Variants in SPATA33 observed in about 807,000 individuals in gnomAD.
The protein encoded by SPATA33 is spermatogenesis-associated protein 33.
A neutral mutation model predicts 8.9 loss-of-function variants in SPATA33; 10 were observed. The observed-to-expected ratio is 1.12, with a 90% CI of 0.69 to 1.90. SPATA33 has a LOEUF of 1.90. SPATA33 is among the 40% of genes most tolerant of loss of function. The pLI, the probability that SPATA33 is intolerant of heterozygous loss-of-function variation, is 0.00. For synonymous variants in SPATA33, 96 were observed against 72.8 expected (o/e 1.32, Z -1.63); for missense variants, 241 against 178.3 (o/e 1.35, Z -2.00).
chr16:89,660,218 C>T, intron 2 of SPATA33: 1 of 278,308 alleles, frequency 3.6e-6, no homozygotes, highest in Non-Finnish European at 6.7e-6. Context: ...GGCAGGACTG[C>T]ATCTACTGCA....
rs1043521505 is a variant in SPATA33, at chr16:89,670,106, C to G, written c.*609C>G. The G allele has an allele frequency of 6.6e-6, 1 of 152,420 alleles. No homozygotes were observed. The highest frequency in any genetic ancestry group is 2.5e-5 in the African/African-American group (1 of 39,820). The allele number at this position is 152,420 out of a possible 1,614,324, so 9.4% of individuals were successfully genotyped here. On this transcript the variant is annotated 3_prime_UTR_variant, in exon 3 of 3. Transcript: ENST00000579310. ...CTCCAGTGCTTTCGGGGAGGGTACACCAGGCCCGCCCCACCCTGTGAGAAG... is the reference window on the plus strand; with the variant it reads ...CTCCAGTGCTTTCGGGGAGGGTACAGCAGGCCCGCCCCACCCTGTGAGAAG...
In SPATA33 at chr16:89,657,847, C is replaced by A. The variant is rs1161639670; in HGVS notation, c.-65C>A. ...CGCGAGGACCTTTTGTGAGTCGCTC[C>A]CGGCTCCGCGGCCGCGGAGGTGTGG... On this transcript the variant is annotated 5_prime_UTR_variant, in exon 1 of 3. Transcript: ENST00000579310. The A allele has an allele frequency of 6.6e-7, 1 of 1,510,390 alleles. No individual in the cohort carries two copies. Among genetic ancestry groups the A allele is most frequent in the Non-Finnish European group, 8.8e-7 (1 of 1,135,882 alleles). 93.6% of individuals were successfully genotyped at this position (1,510,390 alleles called of 1,614,324 possible). A position where few individuals can be genotyped will look rare whatever the true frequency, so the allele number is the denominator to read the frequency against.
At position 89,666,457 on chromosome 16, in the gene SPATA33, G is replaced by A. The variant is rs539312478; in HGVS notation, c.212-2829G>A. 5.3e-5 allele frequency among the ~76,000 whole-genome samples: 8 copies of A among 152,182 alleles called. No homozygotes were observed. In the South Asian group the frequency reaches 8.3e-4, roughly 16 times the overall value. ...GTGGGAGAATAACTTGAGCCTGAGA[G>A]TTCGAGACCAGCCTGGGCAACATGG... On this transcript the variant is annotated intron_variant, in intron 2 of 2. Coordinates refer to ENST00000579310, the MANE Select transcript of SPATA33 (RefSeq NM_001271907.2).
Position 89,658,568 on chromosome 16 carries a change from T to A in SPATA33, c.211+147T>A. Reference sequence around the variant, plus strand: ...TGAAACTGGTTTGTTTTGGGAACTTTATGTAGGAGGTAAATATCCAGAAAT... The same window carrying A: ...TGAAACTGGTTTGTTTTGGGAACTTAATGTAGGAGGTAAATATCCAGAAAT... On this transcript the variant is annotated intron_variant, in intron 2 of 2. Transcript: ENST00000579310. 9 of 1,007,762 alleles carry A rather than the reference T, an allele frequency of 8.9e-6. No individual in the cohort carries two copies. The South Asian group carries it at 1.5e-4, about 17-fold the overall frequency. 62.4% of individuals were successfully genotyped at this position (1,007,762 alleles called of 1,614,324 possible).
chr16:89,660,939 CAG>C (rs1484609698), intron 2 of SPATA33: 6 of 1,017,830 alleles, frequency 5.9e-6, no homozygotes, highest in Non-Finnish European at 7.0e-6. Flanking sequence ...GCATGCACCT[CAG>C]GGGGAGCCAG....
chr16:89,660,566 A>C, intron 2 of SPATA33: 2 of 1,231,362 alleles, frequency 1.6e-6, no homozygotes, highest in Non-Finnish European at 2.0e-6. Context: ...AGTGAGGAGC[A>C]GGCTGCTGAC....
chr16:89,658,652 T>C, intron 2 of SPATA33: 1 of 594,672 alleles, frequency 1.7e-6, no homozygotes, highest in South Asian at 2.1e-5. Context: ...GATAAGTGCG[T>C]ACCAGGTGGT....
At chr16:89,667,034 G>A (rs999072613) in intron 2 of SPATA33, among the ~76,000 whole-genome samples, 2 of 152,192 alleles carry the variant, frequency 1.3e-5, no homozygotes, top group Non-Finnish European at 1.5e-5. Flanking sequence ...CCTGACTGAT[G>A]TCAGGCCCTC....
intron 2 of SPATA33, among the ~76,000 whole-genome samples, chr16:89,662,368 C>T (rs1467129105): frequency 6.6e-6 from 1 of 150,594 alleles, no homozygotes; most frequent in Non-Finnish European, 1.5e-5. Context: ...GCTGAGTGCT[C>T]TATAGGTGCA....
chr16:89,670,084 C>G lies in SPATA33; in HGVS notation c.*587C>G, dbSNP rs2151537109. ...TGTGAGAAGCCGTGGCCCCCTTCTC[C>G]AGTGCTTTCGGGGAGGGTACACCAG... On this transcript the variant is annotated 3_prime_UTR_variant, in exon 3 of 3. Coordinates refer to ENST00000579310, the MANE Select transcript of SPATA33 (RefSeq NM_001271907.2). 1 of 152,624 alleles carries G rather than the reference C, an allele frequency of 6.6e-6. No homozygotes were observed. Among genetic ancestry groups the G allele is most frequent in the East Asian group, 2.0e-4 (1 of 5,040 alleles). 9.5% of individuals were successfully genotyped at this position (152,624 alleles called of 1,614,324 possible).
rs149509838 is a variant in SPATA33 at position 89,660,579 on chromosome 16, C to G, written c.211+2158C>G. ...ACAGTGAGGAGCAGGCTGCTGACTC[C>G]CTTGCCACACCGTGAAGGAGTCCCA... is the stretch of plus-strand genomic sequence containing the variant. On this transcript the variant is annotated intron_variant, in intron 2 of 2. Transcript: ENST00000579310. The G allele has an allele frequency of 5.2e-4, 634 of 1,227,172 alleles. 4 individuals are homozygous for G. In the African/African-American group the frequency reaches 9.0e-3, roughly 17 times the overall value. 76.0% of individuals were successfully genotyped at this position (1,227,172 alleles called of 1,614,324 possible).
At chr16:89,662,129 A>C (rs1597803335) in intron 2 of SPATA33, among the ~76,000 whole-genome samples, 5 of 151,860 alleles carry the variant, frequency 3.3e-5, no homozygotes, top group Admixed American at 3.3e-4. Flanking sequence ...CTGTCTCTAC[A>C]AAAAATACAA....
chr16:89,660,791 T>A (rs1246553667), intron 2 of SPATA33: 1 of 1,044,458 alleles, frequency 9.6e-7, no homozygotes, highest in Non-Finnish European at 1.2e-6. Flanking sequence ...GTTTTCGACC[T>A]GAATCTGAAC....
At chr16:89,667,453 A>T (rs980535311) in intron 2 of SPATA33, among the ~76,000 whole-genome samples, 1 of 152,066 alleles carries the variant, frequency 6.6e-6, no homozygotes, top group Non-Finnish European at 1.5e-5. Context: ...TTCTTATTTT[A>T]TATATTTTAT....
chr16:89,666,780 G>A lies in SPATA33; in HGVS notation c.212-2506G>A, dbSNP rs367738968. On this transcript the variant is annotated intron_variant, in intron 2 of 2. Transcript: ENST00000579310. ...TGATAGGTGAGGTCATGTGGGTCATGTGTCCACTGGACAGGGGGCCCTTCC... is the reference window on the plus strand; with the variant it reads ...TGATAGGTGAGGTCATGTGGGTCATATGTCCACTGGACAGGGGGCCCTTCC... Among the ~76,000 whole-genome samples the A allele has an allele frequency of 6.3e-4, 96 of 152,362 alleles. 1 individual carries two copies. In the South Asian group the frequency reaches 9.3e-3, roughly 15 times the overall value.
At position 89,660,605 on chromosome 16, in the gene SPATA33, A is replaced by C. The variant is rs752361623; in HGVS notation, c.211+2184A>C. On this transcript the variant is annotated intron_variant, in intron 2 of 2. Coordinates refer to ENST00000579310, the MANE Select transcript of SPATA33 (RefSeq NM_001271907.2). ...CTTGCCACACCGTGAAGGAGTCCCA[A>C]AGGTGGGACACTGAGTGAGACAAGC... The C allele has an allele frequency of 3.7e-4, 438 of 1,172,560 alleles. 1 individual carries two copies. The highest frequency in any genetic ancestry group is 1.6e-3 in the Middle Eastern group (5 of 3,108). The allele number at this position is 1,172,560 out of a possible 1,614,324, so 72.6% of individuals were successfully genotyped here.
intron 2 of SPATA33, chr16:89,660,775 G>T: frequency 1.0e-6 from 1 of 953,622 alleles, no homozygotes. Context: ...GAGGGTGATG[G>T]AAATGGTTTT....
intron 2 of SPATA33, among the ~76,000 whole-genome samples, chr16:89,666,147 G>A (rs532421400): frequency 6.6e-6 from 1 of 152,238 alleles, no homozygotes; most frequent in East Asian, 1.9e-4. Flanking sequence ...GCATGAGGGG[G>A]TCGGGCCCTC....
intron 2 of SPATA33, among the ~76,000 whole-genome samples, chr16:89,668,261 G>A (rs540431006): frequency 1.3e-5 from 2 of 151,928 alleles, no homozygotes; most frequent in Non-Finnish European, 2.9e-5. Flanking sequence ...GCAGTGAGCC[G>A]AGATCACACC....
Sources: allele counts gnomAD v4.1 joint callset (sites outside exome capture counted in the v4.1 genomes callset), GRCh38; gene constraint gnomAD v4.1.1; transcripts MANE v1.5; gene names NCBI Gene and HGNC (gene_info 2026-07-23, HGNC 2026-07-21).